The following NOL11 variants were observed in gnomAD, a reference collection of about 807,000 sequenced individuals.
The protein encoded by NOL11 is nucleolar protein 11.
NOL11 carries 42 observed loss-of-function variants against 93.0 expected under a neutral mutation model. That is an observed-to-expected ratio of 0.45 (90% CI 0.35 to 0.58). NOL11 has a LOEUF of 0.58. Ranked by LOEUF, NOL11 falls within the 20% of genes least tolerant of loss-of-function variation. The pLI is 0.00. For synonymous variants in NOL11, 296 were observed against 293.7 expected (o/e 1.01, Z -0.08); for missense variants, 775 against 841.8 (o/e 0.92, Z 0.98).
chr17:67,735,264 G>C (rs2055190550), intron 8 of NOL11, among the ~76,000 whole-genome samples: 1 of 152,064 alleles, frequency 6.6e-6, no homozygotes, highest in Non-Finnish European at 1.5e-5. Context: ...AATAAATCAA[G>C]GCAATAGGAT....
chr17:67,721,562 T>C (rs1567798313), intron 4 of NOL11, 36 bp downstream of exon 4: 2 of 1,567,154 alleles, frequency 1.3e-6, no homozygotes, highest in African/African-American at 1.4e-5. Flanking sequence ...TTTATCAAAA[T>C]AAAAATGCAC....
At position 67,722,622 on chromosome 17, in the gene NOL11, T is replaced by G. The variant is rs2043226288; in HGVS notation, c.504T>G (p.Ile168Met). 3 of 1,570,854 alleles carry G rather than the reference T, an allele frequency of 1.9e-6. No individual in the cohort carries two copies. Among genetic ancestry groups the G allele is most frequent in the Non-Finnish European group, 2.6e-6 (3 of 1,167,358 alleles). The change falls in exon 5 of 18, where the codon ATT (isoleucine) becomes ATG (methionine). Residue 168 changes from isoleucine (I) to methionine (M), a missense_variant. Ile to Met is a conservative substitution (Grantham distance 10, BLOSUM62 1). Around this residue, in one of 2 missense-constraint regions of NOL11, gnomAD observed 359 missense variants for 316.5 expected, o/e 1.13. Coordinates refer to ENST00000253247, the MANE Select transcript of NOL11 (RefSeq NM_015462.5). ...TAGTATTCAGACATCCTGTTTTAATTTTTATTACTGAAAAAGTAAGTGATA... is the reference window on the plus strand; with the variant it reads ...TAGTATTCAGACATCCTGTTTTAATGTTTATTACTGAAAAAGTAAGTGATA... Reference protein sequence around the residue: ...FFVVFRHPVLIFITEKHGNYF... With the variant: ...FFVVFRHPVLMFITEKHGNYF...
At chr17:67,731,578 T>G (rs1425535773) in intron 7 of NOL11, among the ~76,000 whole-genome samples, 1 of 152,224 alleles carries the variant, frequency 6.6e-6, no homozygotes, top group African/African-American at 2.4e-5. Flanking sequence ...TGCTTGTGCT[T>G]TTGGTTCCAC....
chr17:67,735,848 T>A (rs1452439644), intron 8 of NOL11, 52 bp from the exon 9 acceptor site: 1 of 1,495,056 alleles, frequency 6.7e-7, no homozygotes, highest in East Asian at 2.3e-5. Context: ...TATTGAGTCA[T>A]ACCTTAGAAG....
At chr17:67,737,464 T>C (rs953444784) in intron 11 of NOL11, 44 bp from the exon 12 acceptor site, 1 of 1,478,228 alleles carries the variant, frequency 6.8e-7, no homozygotes, top group Non-Finnish European at 9.2e-7. Flanking sequence ...CAGAGTGACA[T>C]TCGTTAATGT....
intron 5 of NOL11, among the ~76,000 whole-genome samples, chr17:67,723,453 A>G (rs1410152679): frequency 8.4e-6 from 1 of 118,962 alleles, no homozygotes; most frequent in Non-Finnish European, 1.6e-5. Context: ...CAGTGGCACA[A>G]TCTCGGCTCA....
At chr17:67,721,834 C>G (rs1034132905) in intron 4 of NOL11, among the ~76,000 whole-genome samples, 2 of 152,130 alleles carry the variant, frequency 1.3e-5, no homozygotes, top group African/African-American at 4.8e-5. Flanking sequence ...CCATCCTTGT[C>G]CCCTGGCTAA....
At chr17:67,734,765 C>CT (rs2055186412) in intron 8 of NOL11, among the ~76,000 whole-genome samples, 1 of 152,142 alleles carries the variant, frequency 6.6e-6, no homozygotes, top group African/African-American at 2.4e-5. Flanking sequence ...ATGATTGTGC[C>CT]TGTGAAGAGC....
chr17:67,735,172 G>T (rs1183960139), intron 8 of NOL11, among the ~76,000 whole-genome samples: 1 of 152,122 alleles, frequency 6.6e-6, no homozygotes, highest in Non-Finnish European at 1.5e-5. Context: ...TTCCTTGTGA[G>T]TTTTTTTCTC....
Position 67,719,674 on chromosome 17 carries a change from G to A in NOL11, c.142G>A (p.Val48Ile). 2.0e-6 allele frequency: 3 copies of A among 1,512,754 alleles called. No homozygotes were observed. The highest frequency in any genetic ancestry group is 2.7e-6 in the Non-Finnish European group (3 of 1,095,492). The allele number at this position is 1,512,754 out of a possible 1,614,324, so 93.7% of individuals were successfully genotyped here. Residue 48 changes from valine (V) to isoleucine (I), a missense_variant and splice_region_variant, in exon 2 of 18, where the codon GTT becomes ATT. Physicochemically the swap from Val to Ile is conservative, Grantham distance 29. This residue lies in a region of NOL11 where 359 missense variants were observed against 316.5 expected (regional missense o/e 1.13). Coordinates refer to ENST00000253247, the MANE Select transcript of NOL11 (RefSeq NM_015462.5). Reference protein sequence around the residue: ...DSGRTVILYKVSDQKPLGSWS... With the variant: ...DSGRTVILYKISDQKPLGSWS... The stretch of plus-strand genomic sequence containing the variant: ...ATTGTATTTATCTTAATTTCATTAG[G>A]TTTCTGATCAGAAACCCTTGGGGAG...
intron 4 of NOL11, among the ~76,000 whole-genome samples, chr17:67,722,299 G>C (rs1474575764): frequency 6.6e-6 from 1 of 152,186 alleles, no homozygotes. Context: ...TGAGGTAGGG[G>C]AGTCAATTTA....
chr17:67,738,016 ATC>A (rs761943423), intron 13 of NOL11, 44 bp downstream of exon 13: 7 of 1,567,022 alleles, frequency 4.5e-6, no homozygotes, highest in Non-Finnish European at 6.0e-6. Flanking sequence ...TACATTTATA[ATC>A]TGTTACATTA....
intron 7 of NOL11, 138 bp downstream of exon 7, chr17:67,726,786 G>T: frequency 1.7e-6 from 1 of 605,612 alleles, no homozygotes; most frequent in South Asian, 3.5e-5. Flanking sequence ...TTTTTTTTGT[G>T]CCTTCCTAAT....
At position 67,719,664 on chromosome 17, in the gene NOL11, A is replaced by AT. The variant is rs777720313; in HGVS notation, c.142-7dup. On this transcript the variant is annotated splice_polypyrimidine_tract_variant and intron_variant, in intron 1 of 17. Transcript: ENST00000253247. ...CTTCTTGAATATTGTATTTATCTTAATTTCATTAGGTTTCTGATCAGAAAC... is the reference window on the plus strand; with the variant it reads ...CTTCTTGAATATTGTATTTATCTTAATTTTCATTAGGTTTCTGATCAGAAAC... 1 of 1,381,264 alleles carries AT rather than the reference A, an allele frequency of 7.2e-7. No individual in the cohort carries two copies. The highest frequency in any genetic ancestry group is 1.0e-6 in the Non-Finnish European group (1 of 980,884). The allele number at this position is 1,381,264 out of a possible 1,614,324, so 85.6% of individuals were successfully genotyped here.
At chr17:67,723,252 T>C (rs2043232319) in intron 5 of NOL11, among the ~76,000 whole-genome samples, 2 of 151,804 alleles carry the variant, frequency 1.3e-5, no homozygotes, top group African/African-American at 2.4e-5. Flanking sequence ...CCTCAGGTGA[T>C]CCACCCACCT....
chr17:67,743,784 T>G lies in NOL11; in HGVS notation c.2085T>G (p.Phe695Leu). 6.4e-7 allele frequency: 1 copy of G among 1,552,556 alleles called. No individual in the cohort carries two copies. Among genetic ancestry groups the G allele is most frequent in the South Asian group, 1.2e-5 (1 of 80,980 alleles). The change falls in exon 18 of 18, where the codon TTT becomes TTG. Residue 695 changes from phenylalanine to leucine, a missense_variant. Around this residue, in one of 2 missense-constraint regions of NOL11, gnomAD observed 416 missense variants for 525.2 expected, o/e 0.79. Transcript: ENST00000253247. Reference sequence around the variant, plus strand: ...AGCTCAACAAGATTGAAGTAAGTTTTCGGGAGCTACAGAAATTAAATCAAG... The same window carrying G: ...AGCTCAACAAGATTGAAGTAAGTTTGCGGGAGCTACAGAAATTAAATCAAG... ...YSELNKIEVSFRELQKLNQEK... is the reference protein window; with the variant it reads ...YSELNKIEVSLRELQKLNQEK...
rs2055235332 is a variant in NOL11, at chr17:67,739,530, T to C, written c.1857T>C (p.Tyr619=). 3 of 1,587,120 alleles carry C rather than the reference T, an allele frequency of 1.9e-6. No individual in the cohort carries two copies. The highest frequency in any genetic ancestry group is 2.6e-6 in the Non-Finnish European group (3 of 1,170,638). ...TTCCCACCCAGCTGTTTCTTAAGTA[T>C]TTGTATTTCCTGTACCTGAAGTGTA... ...PAQHITLFLK[Y]LYFLYLKCSE... is the part of the protein sequence containing the mutation. The change falls in exon 16 of 18, where the codon TAT becomes TAC. Residue 619 remains tyrosine (Y), a synonymous_variant. Coordinates refer to ENST00000253247, the MANE Select transcript of NOL11 (RefSeq NM_015462.5).
At position 67,726,663 on chromosome 17, in the gene NOL11, A is replaced by G. The variant is rs1465589884; in HGVS notation, c.853+15A>G. ...AGCTTCTAAGGGTAACTGACATCCA[A>G]TTCATTAAGAAGGCCTTTGTATGTT... On this transcript the variant is annotated intron_variant, in intron 7 of 17. Coordinates refer to ENST00000253247, the MANE Select transcript of NOL11 (RefSeq NM_015462.5). 2.4e-5 allele frequency: 38 copies of G among 1,555,942 alleles called. No individual in the cohort carries two copies. The highest frequency in any genetic ancestry group is 1.7e-4 in the Middle Eastern group (1 of 5,840).
At chr17:67,735,677 A>G (rs6504527) in intron 8 of NOL11, among the ~76,000 whole-genome samples, 136,330 of 152,242 alleles carry the variant, frequency 0.9, 61,116 homozygotes, top group East Asian at 0.96. Flanking sequence ...ATGTTGATTA[A>G]ATTTTTCTGA....
Sources: gnomAD v4.1 joint callset for allele counts (sites outside exome capture counted in the v4.1 genomes callset) on GRCh38, gnomAD v4.1.1 for gene constraint, gnomAD v4.1.1 regional missense constraint, MANE v1.5 for transcripts, NCBI Gene and HGNC (gene_info 2026-07-23, HGNC 2026-07-21) for gene names.